The following SMG1 variants were observed in gnomAD, a reference collection of about 807,000 sequenced individuals.
SMG1 encodes serine/threonine-protein kinase SMG1.
SMG1 carries 22 observed loss-of-function variants against 419.9 expected under a neutral mutation model. The ratio of observed to expected loss-of-function variants is 0.05; its 90% CI spans 0.04 to 0.07. The LOEUF is 0.07. SMG1 is among the 10% of genes least tolerant of loss of function. SMG1 has a pLI of 1.00. For synonymous variants in SMG1, 1,538 were observed against 1,553.5 expected (o/e 0.99, Z 0.23); for missense variants, 3,185 against 4,342.0 (o/e 0.73, Z 7.49).
At position 18,830,492 on chromosome 16, in the gene SMG1, G is replaced by C. The variant is rs1306110836; in HGVS notation, c.8793-123C>G. 6.0e-6 allele frequency: 7 copies of C among 1,160,090 alleles called. No homozygotes were observed. In the African/African-American group the frequency reaches 7.8e-5, roughly 13 times the overall value. The allele number at this position is 1,160,090 out of a possible 1,614,324, so 71.9% of individuals were successfully genotyped here. A position where few individuals can be genotyped will look rare whatever the true frequency, so the allele number is the denominator to read the frequency against. ...AGTCTAGAAAGCCTTCTGGCATTAA[G>C]AAGAAGTGTTATTAGGCCGGGCGCG... On this transcript the variant is annotated intron_variant, in intron 51 of 62. Coordinates refer to ENST00000446231, the MANE Select transcript of SMG1 (RefSeq NM_015092.5).
chr16:18,819,892 C>T lies in SMG1; in HGVS notation c.9742-238G>A, dbSNP rs150817895. 8.1e-3 allele frequency among the ~76,000 whole-genome samples: 1,231 copies of T among 152,230 alleles called. 8 individuals carry two copies. Among genetic ancestry groups the T allele is most frequent in the Middle Eastern group, 0.014 (4 of 294 alleles). On this transcript the variant is annotated intron_variant, in intron 55 of 62. Coordinates refer to ENST00000446231, the MANE Select transcript of SMG1 (RefSeq NM_015092.5). ...TGGCTTTCAGTTTATTATCTTAAAA[C>T]GTACAGAAGGAAGTTTCACTTTCAT...
chr16:18,810,328 G>A (rs987541059), intron 62 of SMG1, among the ~76,000 whole-genome samples: 5 of 152,052 alleles, frequency 3.3e-5, no homozygotes, highest in Admixed American at 6.5e-5. Flanking sequence ...TGAATTATGA[G>A]GAAAATATCA....
At chr16:18,857,992 G>A (rs1182533586) in intron 29 of SMG1, 178 bp downstream of exon 29, 4 of 425,198 alleles carry the variant, frequency 9.4e-6, no homozygotes, top group Non-Finnish European at 1.7e-5. Context: ...GATCCCAAGG[G>A]AACCTTCTGG....
At chr16:18,874,946 G>A (rs1284975998) in intron 13 of SMG1, among the ~76,000 whole-genome samples, 1 of 128,424 alleles carries the variant, frequency 7.8e-6, no homozygotes, top group Admixed American at 8.6e-5. Flanking sequence ...TACGGGTTGA[G>A]TATCCCTCAT....
rs753179881 is a variant in SMG1 at position 18,842,297 on chromosome 16, C to G, written c.6377G>C (p.Gly2126Ala). The G allele has an allele frequency of 4.8e-5, 77 of 1,613,818 alleles. No individual in the cohort carries two copies. The highest frequency in any genetic ancestry group is 6.3e-5 in the Non-Finnish European group (74 of 1,179,882). ...TTTAGTCGGTAAGATTGTGATGGTT[C>G]CGCCCACACTATGGATTGTGACAGT... Reference protein sequence around the residue: ...RDTVTIHSVGGTITILPTKTK... With the variant: ...RDTVTIHSVGATITILPTKTK... The change falls in exon 40 of 63, where the codon GGA (glycine) becomes GCA (alanine). Residue 2126 changes from glycine to alanine, a missense_variant. This residue lies in a region of SMG1 where 159 missense variants were observed against 196.0 expected (regional missense o/e 0.81). Coordinates refer to ENST00000446231, the MANE Select transcript of SMG1 (RefSeq NM_015092.5).
chr16:18,914,010 T>C (rs904201708), intron 1 of SMG1, among the ~76,000 whole-genome samples: 1 of 151,688 alleles, frequency 6.6e-6, no homozygotes, highest in African/African-American at 2.4e-5. Context: ...CTACTAAAAA[T>C]ACAAAAAATT....
chr16:18,871,506 A>G, intron 15 of SMG1, 24 bp from the exon 16 acceptor site: 1 of 1,326,416 alleles, frequency 7.5e-7, no homozygotes, highest in Non-Finnish European at 1.0e-6. Flanking sequence ...TATACAGTTG[A>G]CTGTACATTA....
intron 1 of SMG1, among the ~76,000 whole-genome samples, chr16:18,921,257 G>A (rs757197216): frequency 6.6e-6 from 1 of 151,960 alleles, no homozygotes; most frequent in South Asian, 2.1e-4. Flanking sequence ...AGGCTAAGGC[G>A]GGAGGATTCC....
chr16:18,895,528 C>G (rs1171804646), intron 3 of SMG1, among the ~76,000 whole-genome samples: 1 of 151,516 alleles, frequency 6.6e-6, no homozygotes, highest in Non-Finnish European at 1.5e-5. Context: ...AAAGTACCCA[C>G]TCTAGGGGGC....
intron 1 of SMG1, chr16:18,899,930 C>T (rs2037281495): frequency 2.4e-6 from 2 of 835,196 alleles, no homozygotes; most frequent in South Asian, 3.0e-5. Context: ...AACGATCAAA[C>T]TGAAGTTAAA....
Position 18,849,247 on chromosome 16 carries a change from T to C in SMG1, c.5593A>G (p.Ile1865Val). 6.2e-7 allele frequency: 1 copy of C among 1,613,318 alleles called. No individual in the cohort carries two copies. Among genetic ancestry groups the C allele is most frequent in the African/African-American group, 1.3e-5 (1 of 74,996 alleles). The stretch of plus-strand genomic sequence containing the variant: ...GCCTGGGATTCACTACTAAGCGATA[T>C]GGTACCCACTATTGCAGGATACAAT... ...LILYPAIVGTISLSSESQASG... is the reference protein window; with the variant it reads ...LILYPAIVGTVSLSSESQASG... The change falls in exon 36 of 63, where the codon ATA becomes GTA. Residue 1865 changes from isoleucine to valine, a missense_variant. Around this residue, in one of 27 missense-constraint regions of SMG1, gnomAD observed 130 missense variants for 162.0 expected, o/e 0.80. Transcript: ENST00000446231.
Position 18,805,237 on chromosome 16 carries a change from ATAACTT to A in SMG1, c.*4326_*4331del, listed in dbSNP as rs1360540231. The stretch of plus-strand genomic sequence containing the variant: ...AAATTTAAACCAGAAAAATGACACA[ATAACTT>A]TAAAGAGGAGCTGAAACTTTGTCAA... On this transcript the variant is annotated 3_prime_UTR_variant, in exon 63 of 63. Coordinates refer to ENST00000446231, the MANE Select transcript of SMG1 (RefSeq NM_015092.5). 2.0e-5 allele frequency: 3 copies of A among 152,280 alleles called. No individual in the cohort carries two copies. Among genetic ancestry groups the A allele is most frequent in the Non-Finnish European group, 4.4e-5 (3 of 68,056 alleles). The allele number at this position is 152,280 out of a possible 1,614,324, so 9.4% of individuals were successfully genotyped here.
rs540961006 is a variant in SMG1 at position 18,863,750 on chromosome 16, C to T, written c.3595G>A (p.Asp1199Asn). The T allele has an allele frequency of 1.6e-5, 25 of 1,580,288 alleles. No individual in the cohort carries two copies. The highest frequency in any genetic ancestry group is 2.3e-4 in the Middle Eastern group (1 of 4,404). Residue 1199 changes from aspartate (D) to asparagine (N), a missense_variant, in exon 25 of 63, where the codon GAT becomes AAT. Around this residue, in one of 27 missense-constraint regions of SMG1, gnomAD observed 120 missense variants for 193.3 expected, o/e 0.62. Transcript: ENST00000446231. ...KACECYISIA[D>N]WAAVQEWQNA... ...TGCCATTCCTGCACAGCAGCCCAAT[C>T]GGCAATTGAGATGTAGCACTCACAT...
chr16:18,876,529 C>T, intron 12 of SMG1, 136 bp from the exon 13 acceptor site: 1 of 1,185,100 alleles, frequency 8.4e-7, no homozygotes, highest in Middle Eastern at 2.9e-4. Context: ...GTCCGTAGCA[C>T]TTAATATTTT....
chr16:18,912,026 A>G (rs2037812042), intron 1 of SMG1, among the ~76,000 whole-genome samples: 2 of 149,514 alleles, frequency 1.3e-5, no homozygotes, highest in South Asian at 2.1e-4. Flanking sequence ...GATTGCAGTG[A>G]GCCAAGATGG....
chr16:18,925,872 AGCCCCGCGGCCCTAGGCCTCGGCCC>A, intron 1 of SMG1, 53 bp downstream of exon 1: 1 of 1,137,082 alleles, frequency 8.8e-7, no homozygotes, highest in Non-Finnish European at 1.2e-6. Context: ...CGCGCCTCCC[AGCCCCGCGGCCCTAGGCCTCGGCCC>A]GCCCGAGGCG....
chr16:18,888,820 C>CTTTT lies in SMG1; in HGVS notation c.822+548_822+551dup, dbSNP rs71141087. 1.1e-3 allele frequency among the ~76,000 whole-genome samples: 125 copies of CTTTT among 112,010 alleles called. 4 individuals carry two copies. Among genetic ancestry groups the CTTTT allele is most frequent in the African/African-American group, 4.0e-3 (116 of 29,140 alleles). The allele number at this position is 112,010 out of a possible 152,430, so 73.5% of individuals were successfully genotyped here. A position where few individuals can be genotyped will look rare whatever the true frequency, so the allele number is the denominator to read the frequency against. ...TTTCAAATCTAACTTCAACATGTAT[C>CTTTT]TTTTTTTTTTTTTTTTTTTTGAGAC... is the stretch of plus-strand genomic sequence containing the variant. On this transcript the variant is annotated intron_variant, in intron 6 of 62. Coordinates refer to ENST00000446231, the MANE Select transcript of SMG1 (RefSeq NM_015092.5).
chr16:18,845,684 A>T, intron 38 of SMG1, 33 bp from the exon 39 acceptor site: 1 of 1,529,584 alleles, frequency 6.5e-7, no homozygotes, highest in Non-Finnish European at 9.0e-7. Flanking sequence ...TCAAAAACTT[A>T]AATGTGTACA....
At chr16:18,885,800 T>TAAA in intron 6 of SMG1, 134 bp from the exon 7 acceptor site, 7 of 630,918 alleles carry the variant, frequency 1.1e-5, no homozygotes, top group Admixed American at 3.4e-5. Context: ...TAGTTTTAGT[T>TAAA]AAAAAAAAAA....
Sources: allele counts gnomAD v4.1 joint callset (sites outside exome capture counted in the v4.1 genomes callset), GRCh38; gene constraint gnomAD v4.1.1; regional missense constraint gnomAD v4.1.1; transcripts MANE v1.5; gene names NCBI Gene and HGNC (gene_info 2026-07-23, HGNC 2026-07-21).